Variants in PLEKHG1 observed in about 807,000 individuals in gnomAD.
PLEKHG1 encodes pleckstrin homology and RhoGEF domain containing G1, also known as pleckstrin homology domain-containing family G member 1.
PLEKHG1 carries 44 observed loss-of-function variants against 100.8 expected under a neutral mutation model. The observed-to-expected ratio is 0.44, with a 90% confidence interval of 0.34 to 0.56. The LOEUF (loss-of-function observed/expected upper bound fraction) is 0.56. Among genes scored for constraint, PLEKHG1 ranks in the 20% least tolerant of loss-of-function variants. The pLI, the probability that PLEKHG1 is intolerant of heterozygous loss-of-function variation, is 0.01. For synonymous variants in PLEKHG1, 640 were observed against 662.5 expected, an observed-to-expected ratio of 0.97 and a Z score of 0.52; for missense variants, 1,545 against 1,720.9, an observed-to-expected ratio of 0.90 and a Z score of 1.81.
intron 2 of PLEKHG1, among the ~76,000 whole-genome samples, chr6:150,746,850 G>C (rs1290695933): frequency 6.6e-6 from 1 of 152,198 alleles, no homozygotes; most frequent in African/African-American, 2.4e-5. Context: ...AGAATATATA[G>C]ATAGCTGTTA....
At chr6:150,780,631 A>G (rs1041733908) in intron 3 of PLEKHG1, among the ~76,000 whole-genome samples, 3 of 150,242 alleles carry the variant, frequency 2.0e-5, no homozygotes, top group Non-Finnish European at 2.9e-5. Flanking sequence ...CTTTAAAAAC[A>G]AAAGACATCA....
intron 3 of PLEKHG1, among the ~76,000 whole-genome samples, chr6:150,782,767 G>A (rs910526737): frequency 6.6e-6 from 1 of 152,180 alleles, no homozygotes; most frequent in Non-Finnish European, 1.5e-5. Context: ...AGGTCCTGAT[G>A]CCAAAAGTTT....
At chr6:150,694,687 G>A in intron 3 of PLEKHG1, among the ~76,000 whole-genome samples, 1 of 141,032 alleles carries the variant, frequency 7.1e-6, no homozygotes, top group Non-Finnish European at 1.5e-5. Flanking sequence ...GCAACAGTGA[G>A]ACTCTGTCTC....
At chr6:150,839,364 G>A (rs539433053) in intron 15 of PLEKHG1, among the ~76,000 whole-genome samples, 1 of 152,224 alleles carries the variant, frequency 6.6e-6, no homozygotes, top group South Asian at 2.1e-4. Flanking sequence ...GATCCACCTG[G>A]TTTGGCCTCC....
chr6:150,766,820 C>T (rs1012044674), intron 2 of PLEKHG1, among the ~76,000 whole-genome samples: 1 of 152,172 alleles, frequency 6.6e-6, no homozygotes, highest in Non-Finnish European at 1.5e-5. Flanking sequence ...GAGCAAGCTT[C>T]GCTCTTGAAG....
At chr6:150,762,483 G>A (rs2128635620) in intron 2 of PLEKHG1, among the ~76,000 whole-genome samples, 1 of 152,134 alleles carries the variant, frequency 6.6e-6, no homozygotes, top group East Asian at 1.9e-4. Context: ...ACAGGCATGA[G>A]CCACTGTGCC....
rs181637092 is a variant in PLEKHG1, at chr6:150,631,293, C to T, written c.-203-6787C>T. On this transcript the variant is annotated intron_variant, in intron 1 of 3. Coordinates refer to the PLEKHG1 transcript ENST00000367326. ...AATCTGTGTCTTTGAATTAAAACCA[C>T]GAAACCAGTTCCACCTTTTTTCCAT... Among the ~76,000 whole-genome samples the T allele has an allele frequency of 1.4e-3, 213 of 152,314 alleles. 1 individual carries two copies. The highest frequency in any genetic ancestry group is 4.7e-3 in the African/African-American group (197 of 41,558).
chr6:150,815,162 T>C (rs1014275984), intron 10 of PLEKHG1, among the ~76,000 whole-genome samples: 33 of 152,258 alleles, frequency 2.2e-4, no homozygotes, highest in African/African-American at 8.0e-4. Flanking sequence ...AAAATGTATT[T>C]CTATTATTTC....
At chr6:150,603,938 C>G (rs1156875327) in intron 1 of PLEKHG1, among the ~76,000 whole-genome samples, 2 of 152,118 alleles carry the variant, frequency 1.3e-5, no homozygotes, top group African/African-American at 2.4e-5. Flanking sequence ...TTGTAATAAC[C>G]TGATGGGAGG....
intron 1 of PLEKHG1, among the ~76,000 whole-genome samples, chr6:150,615,315 C>T (rs1418124429): frequency 6.6e-6 from 1 of 152,172 alleles, no homozygotes; most frequent in Non-Finnish European, 1.5e-5. Context: ...CTCAGTCCCC[C>T]TCCATAGCAC....
intron 15 of PLEKHG1, among the ~76,000 whole-genome samples, chr6:150,833,566 T>C (rs963636330): frequency 6.6e-6 from 1 of 152,016 alleles, no homozygotes; most frequent in Non-Finnish European, 1.5e-5. Flanking sequence ...AACACTGATC[T>C]CTGGGGAAGA....
At chr6:150,641,543 A>G (rs1274020874) in intron 2 of PLEKHG1, among the ~76,000 whole-genome samples, 2 of 152,358 alleles carry the variant, frequency 1.3e-5, no homozygotes, top group East Asian at 3.9e-4. Flanking sequence ...TACTTTCCTC[A>G]TGGGCTACAA....
chr6:150,804,591 T>G lies in PLEKHG1; in HGVS notation c.781-19T>G. 2 of 1,481,252 alleles carry G rather than the reference T, an allele frequency of 1.4e-6. No homozygotes were observed. Among genetic ancestry groups the G allele is most frequent in the Non-Finnish European group, 1.8e-6 (2 of 1,102,472 alleles). 91.8% of individuals were successfully genotyped at this position (1,481,252 alleles called of 1,614,324 possible). A position where few individuals can be genotyped will look rare whatever the true frequency, so the allele number is the denominator to read the frequency against. On this transcript the variant is annotated intron_variant, in intron 6 of 15. Coordinates refer to ENST00000358517, the Ensembl canonical transcript of PLEKHG1. Reference sequence around the variant, plus strand: ...AATAAAATGAAAAAAAAAAAAACCCTCGTTCTTTTTTGTTTAAGGAAATAG... The same window carrying G: ...AATAAAATGAAAAAAAAAAAAACCCGCGTTCTTTTTTGTTTAAGGAAATAG...
At chr6:150,642,099 T>TAA (rs1778293977) in intron 2 of PLEKHG1, among the ~76,000 whole-genome samples, 1 of 152,182 alleles carries the variant, frequency 6.6e-6, no homozygotes, top group African/African-American at 2.4e-5. Flanking sequence ...TATTAGTTTA[T>TAA]TAAATAAGTG....
chr6:150,668,052 A>G (rs146215883), intron 3 of PLEKHG1, among the ~76,000 whole-genome samples: 1 of 152,368 alleles, frequency 6.6e-6, no homozygotes, highest in East Asian at 1.9e-4. Flanking sequence ...ATGAAAGTGA[A>G]GATTGATGCC....
intron 3 of PLEKHG1, among the ~76,000 whole-genome samples, chr6:150,697,871 C>T (rs1325150887): frequency 6.6e-6 from 1 of 152,008 alleles, no homozygotes; most frequent in Non-Finnish European, 1.5e-5. Flanking sequence ...TTTGATAGAT[C>T]CTGAAGAATC....
intron 1 of PLEKHG1, among the ~76,000 whole-genome samples, chr6:150,620,191 G>C (rs149336309): frequency 6.6e-6 from 1 of 151,860 alleles, no homozygotes; most frequent in Non-Finnish European, 1.5e-5. Context: ...GGGGATTTTC[G>C]TGTGGGTGAA....
chr6:150,747,078 G>T (rs542186668), intron 2 of PLEKHG1, among the ~76,000 whole-genome samples: 1 of 152,338 alleles, frequency 6.6e-6, no homozygotes, highest in East Asian at 1.9e-4. Flanking sequence ...ACCGCCTGTA[G>T]GCAAAATTCT....
At chr6:150,659,274 C>T (rs1779090475) in intron 3 of PLEKHG1, among the ~76,000 whole-genome samples, 1 of 152,136 alleles carries the variant, frequency 6.6e-6, no homozygotes, top group African/African-American at 2.4e-5. Flanking sequence ...GTTGCTTGCT[C>T]TGTAAGCTCC....
Sources: allele counts gnomAD v4.1 joint callset (sites outside exome capture counted in the v4.1 genomes callset), GRCh38; gene constraint gnomAD v4.1.1; transcripts MANE v1.5; gene names NCBI Gene and HGNC (gene_info 2026-07-23, HGNC 2026-07-21).